The following CAVIN1 variants were observed in gnomAD, a reference collection of about 807,000 sequenced individuals.
CAVIN1 encodes caveolae-associated protein 1.
In CAVIN1, 16 loss-of-function variants were observed where a neutral mutation model predicts 24.0. That is an observed-to-expected ratio of 0.67 (90% CI 0.45 to 1.01). The LOEUF (loss-of-function observed/expected upper bound fraction) is 1.01, where lower values mean the gene tolerates loss of function less well. Ranked by LOEUF, CAVIN1 falls within the 50% of genes least tolerant of loss-of-function variation. The pLI, the probability that CAVIN1 is intolerant of heterozygous loss-of-function variation, is 0.00. For synonymous variants in CAVIN1, 256 were observed against 256.4 expected (o/e 1.00, Z 0.02); for missense variants, 510 against 551.7 (o/e 0.92, Z 0.76).
At chr17:42,408,740 C>T (rs954938547) in intron 1 of CAVIN1, among the ~76,000 whole-genome samples, 4 of 151,216 alleles carry the variant, frequency 2.6e-5, no homozygotes, top group African/African-American at 9.7e-5. Context: ...ATTCGCCCTC[C>T]TCAGCCTCCC....
rs2145475204 is a variant in CAVIN1 at position 42,408,362 on chromosome 17, G to C, written c.472-2974C>G. Among the ~76,000 whole-genome samples the C allele has an allele frequency of 1.3e-5, 2 of 152,176 alleles. 1 individual carries two copies. The highest frequency in any genetic ancestry group is 6.8e-3 in the Middle Eastern group (2 of 294). On this transcript the variant is annotated intron_variant, in intron 1 of 1. Transcript: ENST00000357037. Reference sequence around the variant, plus strand: ...ATAAAGGTCTTTGCCAGCTGAACTTGGAAGTGAATGGGACTGGGGAGAGAG... The same window carrying C: ...ATAAAGGTCTTTGCCAGCTGAACTTCGAAGTGAATGGGACTGGGGAGAGAG...
chr17:42,413,606 C>T (rs2085494832), intron 1 of CAVIN1, among the ~76,000 whole-genome samples: 1 of 120,114 alleles, frequency 8.3e-6, no homozygotes, highest in Non-Finnish European at 1.8e-5. Context: ...AAAAGAGGTC[C>T]CTGGGGCCAA....
chr17:42,419,946 C>G (rs763670681), intron 1 of CAVIN1, among the ~76,000 whole-genome samples: 103 of 150,044 alleles, frequency 6.9e-4, no homozygotes, highest in Non-Finnish European at 1.3e-3. Context: ...GCTGTGAAAT[C>G]ATTAAGTCTA....
chr17:42,412,133 A>C (rs2085482560), intron 1 of CAVIN1: 1 of 985,162 alleles, frequency 1.0e-6, no homozygotes, highest in Admixed American at 6.2e-5. Flanking sequence ...GTCTGGTCAA[A>C]AGGTGGGAGC....
intron 1 of CAVIN1, among the ~76,000 whole-genome samples, chr17:42,415,922 C>A (rs2085509130): frequency 6.6e-6 from 1 of 152,014 alleles, no homozygotes; most frequent in South Asian, 2.1e-4. Flanking sequence ...TCTCCTCATG[C>A]TTTTGACTTT....
chr17:42,404,574 G>T lies in CAVIN1; in HGVS notation c.*113C>A. 1 of 690,832 alleles carries T rather than the reference G, an allele frequency of 1.4e-6. No individual in the cohort carries two copies. Among genetic ancestry groups the T allele is most frequent in the Non-Finnish European group, 2.2e-6 (1 of 453,056 alleles). The allele number at this position is 690,832 out of a possible 1,614,324, so 42.8% of individuals were successfully genotyped here. A position where few individuals can be genotyped will look rare whatever the true frequency, so the allele number is the denominator to read the frequency against. ...GGAGTGGAGTTCCTGGAGGTGTGGG[G>T]AGGGGGGCGTGTTTTCAATTTAGAA... On this transcript the variant is annotated 3_prime_UTR_variant, in exon 2 of 2. Transcript: ENST00000357037.
intron 1 of CAVIN1, among the ~76,000 whole-genome samples, chr17:42,413,850 C>T (rs1418852797): frequency 6.6e-6 from 1 of 152,114 alleles, no homozygotes; most frequent in Non-Finnish European, 1.5e-5. Context: ...TACAAAGGCA[C>T]ACAACTTCAC....
At chr17:42,412,018 G>A (rs2085481780) in intron 1 of CAVIN1, 7 of 985,236 alleles carry the variant, frequency 7.1e-6, no homozygotes, top group South Asian at 4.7e-5. Context: ...GATACCCCAC[G>A]CCCACAGAAC....
intron 1 of CAVIN1, among the ~76,000 whole-genome samples, chr17:42,416,212 A>C (rs1019530450): frequency 2.6e-5 from 4 of 152,138 alleles, no homozygotes; most frequent in Admixed American, 2.6e-4. Context: ...TGCTAAAAAT[A>C]CAAAAATTAG....
At chr17:42,408,679 C>T (rs1001833952) in intron 1 of CAVIN1, among the ~76,000 whole-genome samples, 2 of 149,754 alleles carry the variant, frequency 1.3e-5, no homozygotes, top group Admixed American at 6.7e-5. Flanking sequence ...TTAGTAGAGA[C>T]GGGGTTTCTC....
At chr17:42,416,512 T>C (rs1754372014) in intron 1 of CAVIN1, among the ~76,000 whole-genome samples, 1 of 149,530 alleles carries the variant, frequency 6.7e-6, no homozygotes, top group Admixed American at 6.7e-5. Flanking sequence ...ATGGGAGGAT[T>C]GCTTGAGCCT....
chr17:42,404,442 G>C lies in CAVIN1; in HGVS notation c.*245C>G. On this transcript the variant is annotated 3_prime_UTR_variant, in exon 2 of 2. Coordinates refer to ENST00000357037, the MANE Select transcript of CAVIN1 (RefSeq NM_012232.6). ...TCTGAGATCCCGACTTGGACAACCAGGACAGGGATTGACCATTCCCTTCCC... is the reference window on the plus strand; with the variant it reads ...TCTGAGATCCCGACTTGGACAACCACGACAGGGATTGACCATTCCCTTCCC... 1 of 384,508 alleles carries C rather than the reference G, an allele frequency of 2.6e-6. No homozygotes were observed. Among genetic ancestry groups the C allele is most frequent in the Non-Finnish European group, 4.6e-6 (1 of 215,058 alleles). The allele number at this position is 384,508 out of a possible 1,614,324, so 23.8% of individuals were successfully genotyped here.
At chr17:42,415,527 T>C (rs2085506655) in intron 1 of CAVIN1, among the ~76,000 whole-genome samples, 1 of 151,416 alleles carries the variant, frequency 6.6e-6, no homozygotes, top group Non-Finnish European at 1.5e-5. Flanking sequence ...CTGGGCAATG[T>C]GGAGAAACCC....
Position 42,403,370 on chromosome 17 carries a change from G to C in CAVIN1, c.*1317C>G, listed in dbSNP as rs2085423517. On this transcript the variant is annotated 3_prime_UTR_variant, in exon 2 of 2. Transcript: ENST00000357037. ...TCTCCCTCCTAACTCCCAGCCTGCTGCTGCCCCCTTCTGGGACCCTAATTT... is the reference window on the plus strand; with the variant it reads ...TCTCCCTCCTAACTCCCAGCCTGCTCCTGCCCCCTTCTGGGACCCTAATTT... The C allele has an allele frequency of 6.5e-6, 1 of 152,922 alleles. No homozygotes were observed. The highest frequency in any genetic ancestry group is 6.6e-5 in the Admixed American group (1 of 15,266). 9.5% of individuals were successfully genotyped at this position (152,922 alleles called of 1,614,324 possible). A position where few individuals can be genotyped will look rare whatever the true frequency, so the allele number is the denominator to read the frequency against.
At chr17:42,419,121 C>A (rs1216061641) in intron 1 of CAVIN1, among the ~76,000 whole-genome samples, 2 of 151,842 alleles carry the variant, frequency 1.3e-5, no homozygotes, top group African/African-American at 4.8e-5. Context: ...CACTTGAGCC[C>A]AAGAGTTCGA....
chr17:42,410,723 C>T (rs1380254203), intron 1 of CAVIN1, among the ~76,000 whole-genome samples: 1 of 151,350 alleles, frequency 6.6e-6, no homozygotes, highest in Non-Finnish European at 1.5e-5. Flanking sequence ...ACCATTCTGG[C>T]CAACATGGTG....
rs1358335523 is a variant in CAVIN1, at chr17:42,402,612, A to AG, written c.*2074dup. The AG allele has an allele frequency of 2.0e-5, 3 of 150,664 alleles. No individual in the cohort carries two copies. The East Asian group carries it at 5.9e-4, about 30-fold the overall frequency. The allele number at this position is 150,664 out of a possible 1,614,324, so 9.3% of individuals were successfully genotyped here. On this transcript the variant is annotated 3_prime_UTR_variant, in exon 2 of 2. Transcript: ENST00000357037. ...CACAATCCCCAACCTCCCTCGGCAG[A>AG]GGGGTCTTCAGCCATTCAGAGGAGA...
At chr17:42,413,121 T>G (rs1200945405) in intron 1 of CAVIN1, among the ~76,000 whole-genome samples, 1 of 147,078 alleles carries the variant, frequency 6.8e-6, no homozygotes, top group Non-Finnish European at 1.5e-5. Flanking sequence ...TTAGCAGAGA[T>G]AGGGTTTCAC....
intron 1 of CAVIN1, among the ~76,000 whole-genome samples, chr17:42,411,211 T>TAAAAAAAAAAAAAAAA (rs1468503843): frequency 7.6e-4 from 35 of 45,848 alleles, no homozygotes; most frequent in East Asian, 1.7e-3. Context: ...AAAAAAAAAC[T>TAAAAAAAAAAAAAAAA]AAAAGGTCTG....
Sources: gnomAD v4.1 joint callset for allele counts (sites outside exome capture counted in the v4.1 genomes callset) on GRCh38, gnomAD v4.1.1 for gene constraint, MANE v1.5 for transcripts, NCBI Gene and HGNC (gene_info 2026-07-23, HGNC 2026-07-21) for gene names.